Variants in BTF3L4 observed in about 807,000 individuals in gnomAD.
BTF3L4 encodes the protein transcription factor BTF3 homolog 4.
BTF3L4 carries 6 observed loss-of-function variants against 16.8 expected under a neutral mutation model. The ratio of observed to expected loss-of-function variants is 0.36; its 90% confidence interval spans 0.20 to 0.71. The LOEUF is 0.71. BTF3L4 is among the 30% of genes least tolerant of loss of function. The probability of loss-of-function intolerance (pLI) is 0.58; values close to 1 mark genes in which losing one functional copy is unlikely to be tolerated. For synonymous variants in BTF3L4, 39 were observed against 59.8 expected, an observed-to-expected ratio of 0.65 and a Z score of 1.60; for missense variants, 92 against 186.9, an observed-to-expected ratio of 0.49 and a Z score of 2.96.
chr1:52,073,493 TACACACACACAC>T (rs142147737), intron 3 of BTF3L4, among the ~76,000 whole-genome samples: 2,315 of 139,334 alleles, frequency 0.017, 26 homozygotes, highest in Middle Eastern at 0.032. Context: ...ATATGCTACA[TACACACACACAC>T]ACACACACAC....
chr1:52,060,673 T>G, intron 2 of BTF3L4: 1 of 1,021,520 alleles, frequency 9.8e-7, no homozygotes, highest in Non-Finnish European at 1.2e-6. Context: ...GGTAGGACAC[T>G]ACTTTTTGTA....
chr1:52,063,850 A>G (rs2783194), intron 2 of BTF3L4, among the ~76,000 whole-genome samples: 5,125 of 152,240 alleles, frequency 0.034, 112 homozygotes, highest in African/African-American at 0.046. Context: ...ACCCCTCACC[A>G]TCTTCACTGC....
rs1686477493 is a variant in BTF3L4 at position 52,060,289 on chromosome 1, T to G, written c.54+388T>G. On this transcript the variant is annotated intron_variant, in intron 2 of 5. Coordinates refer to ENST00000313334, the MANE Select transcript of BTF3L4 (RefSeq NM_152265.5). Reference sequence around the variant, plus strand: ...AGCACAGAGTAGATGCTTAATAAATTATAGCTATTATTATGGTTAGACTCA... The same window carrying G: ...AGCACAGAGTAGATGCTTAATAAATGATAGCTATTATTATGGTTAGACTCA... 6.6e-6 allele frequency: 2 copies of G among 304,038 alleles called. 1 individual carries two copies. The highest frequency in any genetic ancestry group is 6.3e-5 in the South Asian group (2 of 31,884). 18.8% of individuals were successfully genotyped at this position (304,038 alleles called of 1,614,324 possible). A position where few individuals can be genotyped will look rare whatever the true frequency, so the allele number is the denominator to read the frequency against.
In BTF3L4 at chr1:52,087,930, C is replaced by T. The variant is rs1401467073; in HGVS notation, c.*1172C>T. Reference sequence around the variant, plus strand: ...TGGATCTTACTATTGTAGCTGCTCACTATACCCTCCTGCATGCTTAGAATA... The same window carrying T: ...TGGATCTTACTATTGTAGCTGCTCATTATACCCTCCTGCATGCTTAGAATA... On this transcript the variant is annotated 3_prime_UTR_variant, in exon 6 of 6. Coordinates refer to ENST00000313334, the MANE Select transcript of BTF3L4 (RefSeq NM_152265.5). 4.6e-5 allele frequency: 7 copies of T among 152,582 alleles called. No individual in the cohort carries two copies. Among genetic ancestry groups the T allele is most frequent in the Non-Finnish European group, 1.0e-4 (7 of 68,034 alleles). The allele number at this position is 152,582 out of a possible 1,614,324, so 9.5% of individuals were successfully genotyped here.
intron 3 of BTF3L4, among the ~76,000 whole-genome samples, chr1:52,069,985 A>G (rs10788937): frequency 1 from 152,193 of 152,274 alleles, 76,056 homozygotes; most frequent in Non-Finnish European, 1. Context: ...GGGAGGCCAA[A>G]GCAGGTGGAT....
At chr1:52,081,823 C>G (rs183793175) in intron 3 of BTF3L4, among the ~76,000 whole-genome samples, 2 of 152,162 alleles carry the variant, frequency 1.3e-5, no homozygotes, top group Admixed American at 1.3e-4. Flanking sequence ...GGTTTAGTTA[C>G]AATTTTCCAG....
At chr1:52,075,282 G>A (rs1285912699) in intron 3 of BTF3L4, among the ~76,000 whole-genome samples, 3 of 150,992 alleles carry the variant, frequency 2.0e-5, no homozygotes, top group East Asian at 1.9e-4. Context: ...GGCCGGGCGC[G>A]GTGGCTCACG....
At chr1:52,066,465 G>A (rs532134893) in intron 3 of BTF3L4, among the ~76,000 whole-genome samples, 1 of 150,984 alleles carries the variant, frequency 6.6e-6, no homozygotes. Context: ...GCCTCCCAAA[G>A]TGCTGGGATT....
chr1:52,079,537 AATTT>A (rs1643896405), intron 3 of BTF3L4, among the ~76,000 whole-genome samples: 1 of 152,274 alleles, frequency 6.6e-6, no homozygotes, highest in Middle Eastern at 3.4e-3. Flanking sequence ...GCCATGAATA[AATTT>A]ATTTATGTTT....
At chr1:52,080,530 T>G (rs1270899984) in intron 3 of BTF3L4, among the ~76,000 whole-genome samples, 2 of 120,302 alleles carry the variant, frequency 1.7e-5, no homozygotes, top group African/African-American at 6.6e-5. Flanking sequence ...TTTTTTTTTT[T>G]TTTTTTTTTT....
chr1:52,077,826 A>G (rs990257889), intron 3 of BTF3L4, among the ~76,000 whole-genome samples: 1 of 152,162 alleles, frequency 6.6e-6, no homozygotes, highest in African/African-American at 2.4e-5. Context: ...AGGGATTGTT[A>G]AGGTGTTTGA....
intron 3 of BTF3L4, among the ~76,000 whole-genome samples, chr1:52,077,992 G>A (rs777207011): frequency 2.0e-5 from 3 of 152,152 alleles, no homozygotes; most frequent in African/African-American, 4.8e-5. Context: ...TTCGTTGGAG[G>A]CACTGCTGGT....
chr1:52,086,487 T>C (rs1317837153), intron 5 of BTF3L4: 1 of 483,698 alleles, frequency 2.1e-6, no homozygotes, highest in Admixed American at 4.0e-5. Context: ...ACCTCAGTAA[T>C]TTGCATAGAC....
At chr1:52,068,590 G>A (rs950852645) in intron 3 of BTF3L4, among the ~76,000 whole-genome samples, 1 of 152,090 alleles carries the variant, frequency 6.6e-6, no homozygotes, top group Non-Finnish European at 1.5e-5. Flanking sequence ...CAAAACCAGA[G>A]TTCATAGTAT....
intron 2 of BTF3L4, among the ~76,000 whole-genome samples, chr1:52,060,841 T>A (rs1243288535): frequency 6.6e-6 from 1 of 152,234 alleles, no homozygotes; most frequent in Non-Finnish European, 1.5e-5. Context: ...GTAACCACAG[T>A]AGTCACATTG....
intron 1 of BTF3L4, among the ~76,000 whole-genome samples, chr1:52,056,624 G>T (rs1247909330): frequency 2.0e-5 from 3 of 152,244 alleles, no homozygotes; most frequent in Non-Finnish European, 4.4e-5. Flanking sequence ...CCCTGTTGCC[G>T]CCCAGACCCT....
At chr1:52,082,629 G>A (rs544316710) in intron 3 of BTF3L4, among the ~76,000 whole-genome samples, 4 of 151,996 alleles carry the variant, frequency 2.6e-5, no homozygotes, top group Admixed American at 2.0e-4. Flanking sequence ...CAGCTACCAG[G>A]TTGGGAGGCT....
intron 3 of BTF3L4, among the ~76,000 whole-genome samples, chr1:52,079,868 TTTTC>T (rs143096976): frequency 0.74 from 83,177 of 112,536 alleles, 30,166 homozygotes; most frequent in Non-Finnish European, 0.82. Flanking sequence ...TTTTCTTTTC[TTTTC>T]TTTTTTTTTT....
At chr1:52,062,525 A>G (rs1686542672) in intron 2 of BTF3L4, among the ~76,000 whole-genome samples, 1 of 152,034 alleles carries the variant, frequency 6.6e-6, no homozygotes, top group Admixed American at 6.6e-5. Flanking sequence ...TAGTGTACGT[A>G]ATGGATAGAG....
Sources: gnomAD v4.1 joint callset for allele counts (sites outside exome capture counted in the v4.1 genomes callset) on GRCh38, gnomAD v4.1.1 for gene constraint, MANE v1.5 for transcripts, NCBI Gene and HGNC (gene_info 2026-07-23, HGNC 2026-07-21) for gene names.